Variants in RNF150 observed in about 807,000 individuals in gnomAD.
RNF150 encodes ring finger protein 150.
RNF150 carries 24 observed loss-of-function variants against 39.3 expected under a neutral mutation model. The ratio of observed to expected loss-of-function variants is 0.61; its 90% CI spans 0.44 to 0.86. RNF150 has a LOEUF of 0.86. Ranked by LOEUF, RNF150 falls within the 40% of genes least tolerant of loss-of-function variation. The pLI is 0.00. For missense variants in RNF150, 502 were observed against 587.8 expected, an observed-to-expected ratio of 0.85 and a Z score of 1.51; for synonymous variants, 255 against 227.3, an observed-to-expected ratio of 1.12 and a Z score of -1.10.
At chr4:140,917,366 C>CA (rs1344615565) in intron 5 of RNF150, among the ~76,000 whole-genome samples, 3 of 151,366 alleles carry the variant, frequency 2.0e-5, no homozygotes, top group African/African-American at 7.3e-5. Context: ...AAATGGAAAA[C>CA]AAAAAAAGGC....
intron 1 of RNF150, among the ~76,000 whole-genome samples, chr4:141,172,656 A>T (rs1727749212): frequency 6.6e-6 from 1 of 151,992 alleles, no homozygotes; most frequent in Non-Finnish European, 1.5e-5. Flanking sequence ...AGAGTTGGAG[A>T]TTTTTTCTCT....
intron 1 of RNF150, among the ~76,000 whole-genome samples, chr4:141,178,173 A>T (rs1303339139): frequency 6.6e-6 from 1 of 152,138 alleles, no homozygotes; most frequent in Non-Finnish European, 1.5e-5. Flanking sequence ...TTCTTTTAGG[A>T]GGATAAGGAC....
chr4:140,952,194 T>C (rs572514504), intron 2 of RNF150, among the ~76,000 whole-genome samples: 143 of 152,064 alleles, frequency 9.4e-4, no homozygotes, highest in Middle Eastern at 6.8e-3. Context: ...TTTGTATTTT[T>C]AGTAGAGATG....
intron 1 of RNF150, among the ~76,000 whole-genome samples, chr4:141,169,408 G>T (rs901152371): frequency 1.3e-5 from 2 of 152,046 alleles, no homozygotes; most frequent in East Asian, 1.9e-4. Flanking sequence ...TTTATAAATT[G>T]CCCAGTCTCA....
At chr4:140,892,667 C>T (rs1258354591) in intron 6 of RNF150, among the ~76,000 whole-genome samples, 3 of 149,858 alleles carry the variant, frequency 2.0e-5, no homozygotes, top group East Asian at 1.9e-4. Flanking sequence ...TTCTTGGCTT[C>T]GCAGGCTCCT....
In RNF150 at chr4:141,132,640, C is replaced by A. The variant is rs570217475; in HGVS notation, c.169G>T (p.Ala57Ser). 6.3e-7 allele frequency: 1 copy of A among 1,596,898 alleles called. No individual in the cohort carries two copies. The highest frequency in any genetic ancestry group is 1.4e-5 in the African/African-American group (1 of 73,150). ...GCGCCGCCGCCGCCCGCCGCCCCGG[C>A]CCCGGGGTCCGGCGCGGGCTCGGCG... ...TYAEPAPDPG[A>S]GAAGGGGAEL... is the part of the protein sequence containing the mutation. Residue 57 changes from alanine to serine, a missense_variant, in exon 1 of 7, where the codon GCC becomes TCC. By Grantham distance (99) the Ala-to-Ser change is moderately conservative. Coordinates refer to ENST00000515673, the MANE Select transcript of RNF150 (RefSeq NM_020724.2). This position sits in a 1 kb window ranked among gnomAD's most constrained non-coding sequence, Gnocchi z 4.9.
intron 1 of RNF150, among the ~76,000 whole-genome samples, chr4:141,181,349 G>C (rs1578784240): frequency 6.6e-6 from 1 of 152,296 alleles, no homozygotes; most frequent in South Asian, 2.1e-4. Flanking sequence ...AAAGAAAATA[G>C]AATCCATATA....
chr4:140,940,201 G>A (rs1355407854), intron 4 of RNF150, among the ~76,000 whole-genome samples: 2 of 152,112 alleles, frequency 1.3e-5, no homozygotes, highest in Non-Finnish European at 2.9e-5. Context: ...ACAATTCCAG[G>A]TCACCACAGT....
chr4:141,017,111 T>C (rs184914616), intron 1 of RNF150, among the ~76,000 whole-genome samples: 4 of 152,228 alleles, frequency 2.6e-5, no homozygotes, highest in Non-Finnish European at 4.4e-5. Flanking sequence ...AAGTCAACTC[T>C]ATTATGATCT....
intron 1 of RNF150, among the ~76,000 whole-genome samples, chr4:141,197,134 C>A (rs1468999837): frequency 2.0e-5 from 3 of 151,956 alleles, no homozygotes; most frequent in Non-Finnish European, 4.4e-5. Flanking sequence ...TGTACAAATG[C>A]CAGGCTGAAA....
At chr4:140,880,165 A>G (rs1450215916) in intron 6 of RNF150, among the ~76,000 whole-genome samples, 2 of 152,044 alleles carry the variant, frequency 1.3e-5, no homozygotes, top group Non-Finnish European at 2.9e-5. Flanking sequence ...ATGTTGAGGG[A>G]ATTCTTTTAT....
chr4:140,884,287 AT>A (rs1282954900), intron 6 of RNF150, among the ~76,000 whole-genome samples: 1 of 151,920 alleles, frequency 6.6e-6, no homozygotes, highest in African/African-American at 2.4e-5. Context: ...ATATATCTCC[AT>A]TTTTTAGGGG....
intron 6 of RNF150, among the ~76,000 whole-genome samples, chr4:140,891,006 G>T (rs1292265113): frequency 6.6e-6 from 1 of 152,132 alleles, no homozygotes; most frequent in African/African-American, 2.4e-5. Context: ...TTAAATCACT[G>T]ATCTCACTAA....
At chr4:141,079,805 G>A (rs1738081037) in intron 1 of RNF150, among the ~76,000 whole-genome samples, 1 of 152,234 alleles carries the variant, frequency 6.6e-6, no homozygotes, top group African/African-American at 2.4e-5. Flanking sequence ...CTAACACTGT[G>A]TGGTAGCAGG....
intron 1 of RNF150, among the ~76,000 whole-genome samples, chr4:141,089,397 A>T (rs57049422): frequency 0.012 from 1,901 of 152,248 alleles, 40 homozygotes; most frequent in African/African-American, 0.044. Flanking sequence ...GGGGTCTTGG[A>T]TTCCCAGCCA....
At chr4:140,999,948 GA>G (rs1196756725) in intron 1 of RNF150, among the ~76,000 whole-genome samples, 1 of 38,382 alleles carries the variant, frequency 2.6e-5, no homozygotes, top group Non-Finnish European at 6.9e-5. Flanking sequence ...AAAAAAAGAA[GA>G]AGAAGAAGAA....
At chr4:141,138,323 A>G (rs900537735), upstream of RNF150, among the ~76,000 whole-genome samples, 1 of 152,150 alleles carries the variant, frequency 6.6e-6, no homozygotes, top group Non-Finnish European at 1.5e-5. Flanking sequence ...AATGCAATCA[A>G]ACAGGCATTT....
intron 2 of RNF150, among the ~76,000 whole-genome samples, chr4:140,964,912 G>A (rs745801149): frequency 6.6e-6 from 1 of 151,862 alleles, no homozygotes; most frequent in African/African-American, 2.4e-5. Flanking sequence ...AAGTATATAT[G>A]GGTATTTAAT....
chr4:140,947,641 C>T lies in RNF150; in HGVS notation c.890+13G>A. 2 of 1,604,846 alleles carry T rather than the reference C, an allele frequency of 1.2e-6. No homozygotes were observed. Among genetic ancestry groups the T allele is most frequent in the Non-Finnish European group, 1.7e-6 (2 of 1,173,230 alleles). ...ACACAACCCAATCAAAAGCAGGCAGCCTAGTGACTCACCGGCAGGGCAGGA... is the reference window on the plus strand; with the variant it reads ...ACACAACCCAATCAAAAGCAGGCAGTCTAGTGACTCACCGGCAGGGCAGGA... On this transcript the variant is annotated intron_variant, in intron 4 of 6. Coordinates refer to ENST00000515673, the MANE Select transcript of RNF150 (RefSeq NM_020724.2).
Sources: gnomAD v4.1 joint callset for allele counts (sites outside exome capture counted in the v4.1 genomes callset) on GRCh38, gnomAD v4.1.1 for gene constraint, Gnocchi (gnomAD v3.1) non-coding constraint, MANE v1.5 for transcripts, NCBI Gene and HGNC (gene_info 2026-07-23, HGNC 2026-07-21) for gene names.